DSCAML1: variants seen among roughly 807,000 people sequenced by gnomAD.
DSCAML1 encodes the protein cell adhesion molecule DSCAML1.
A neutral mutation model predicts 200.5 loss-of-function variants in DSCAML1; 38 were observed. The observed-to-expected ratio is 0.19, with a 90% confidence interval of 0.15 to 0.25. The LOEUF (loss-of-function observed/expected upper bound fraction) is 0.25. Ranked by LOEUF, DSCAML1 falls within the 10% of genes least tolerant of loss-of-function variation. The pLI is 1.00. For synonymous variants in DSCAML1, 1,215 were observed against 1,165.0 expected (o/e 1.04, Z -0.87); for missense variants, 2,223 against 2,858.8 (o/e 0.78, Z 5.07).
chr11:117,629,237 T>C (rs781653543), intron 3 of DSCAML1, among the ~76,000 whole-genome samples: 5 of 152,206 alleles, frequency 3.3e-5, no homozygotes, highest in Non-Finnish European at 7.3e-5. Context: ...GATATGTCAC[T>C]GTCTGGAGGC....
Position 117,438,855 on chromosome 11 carries a change from A to G in DSCAML1, c.4243+30T>C, listed in dbSNP as rs767101451. The G allele has an allele frequency of 1.6e-5, 24 of 1,507,396 alleles. No individual in the cohort carries two copies. In the African/African-American group the frequency reaches 3.2e-4, roughly 20 times the overall value. The allele number at this position is 1,507,396 out of a possible 1,614,324, so 93.4% of individuals were successfully genotyped here. A position where few individuals can be genotyped will look rare whatever the true frequency, so the allele number is the denominator to read the frequency against. On this transcript the variant is annotated intron_variant, in intron 24 of 32. Coordinates refer to ENST00000651296, the MANE Select transcript of DSCAML1 (RefSeq NM_020693.4). ...CCCCGGGCCCAGAATTCCTTCCCCT[A>G]TCTTCCCCCGCATCCAGACCCCTCC...
intron 3 of DSCAML1, among the ~76,000 whole-genome samples, chr11:117,612,642 C>A (rs992932159): frequency 6.6e-6 from 1 of 152,188 alleles, no homozygotes; most frequent in African/African-American, 2.4e-5. Context: ...GCTGAGCAGC[C>A]CTCCCCAGCC....
intron 3 of DSCAML1, among the ~76,000 whole-genome samples, chr11:117,773,350 C>T (rs544233237): frequency 1.2e-4 from 19 of 152,266 alleles, no homozygotes. Flanking sequence ...TGAAGCTGAG[C>T]CCAGCCCTGC....
At chr11:117,714,186 C>T (rs2053905606) in intron 3 of DSCAML1, among the ~76,000 whole-genome samples, 2 of 152,212 alleles carry the variant, frequency 1.3e-5, no homozygotes, top group South Asian at 4.2e-4. Context: ...TGTGCTGTTA[C>T]CTGTGTTTAT....
chr11:117,764,414 G>T (rs1354902530), intron 3 of DSCAML1, among the ~76,000 whole-genome samples: 1 of 152,178 alleles, frequency 6.6e-6, no homozygotes, highest in Non-Finnish European at 1.5e-5. Context: ...TTTCTTTGGT[G>T]CGTGGGAAGA....
Position 117,480,839 on chromosome 11 carries a change from C to T in DSCAML1, c.2657-268G>A, listed in dbSNP as rs1434791094. 6.6e-6 allele frequency among the ~76,000 whole-genome samples: 1 copy of T among 152,122 alleles called. No individual in the cohort carries two copies. Among genetic ancestry groups the T allele is most frequent in the African/African-American group, 2.4e-5 (1 of 41,416 alleles). ...ATTCCTGTTAGCTGACGGCATTTTT[C>T]CCCTTCCAACTTCCCCAGCTTGACT... On this transcript the variant is annotated intron_variant, in intron 13 of 32. Transcript: ENST00000651296. The surrounding 1 kb of genome is among the most constrained non-coding windows in gnomAD (Gnocchi z 4.1).
At chr11:117,609,033 AAC>A (rs374129774) in intron 3 of DSCAML1, among the ~76,000 whole-genome samples, 2,209 of 104,130 alleles carry the variant, frequency 0.021, 60 homozygotes, top group African/African-American at 0.067. Flanking sequence ...CAAACAAACA[AAC>A]AAAAAAAACA....
chr11:117,662,149 G>A (rs531238727), intron 3 of DSCAML1, among the ~76,000 whole-genome samples: 18 of 152,370 alleles, frequency 1.2e-4, no homozygotes, highest in African/African-American at 4.1e-4. Flanking sequence ...AAAGGGAAGA[G>A]AGGGTTTGTC....
intron 1 of DSCAML1, among the ~76,000 whole-genome samples, 192 bp downstream of exon 1, chr11:117,796,842 G>A (rs1365064154): frequency 6.6e-6 from 1 of 152,092 alleles, no homozygotes; most frequent in Non-Finnish European, 1.5e-5. Flanking sequence ...GTGGCTGGCG[G>A]AGCGGTCGGG....
chr11:117,571,776 G>C (rs1410242182), intron 3 of DSCAML1, among the ~76,000 whole-genome samples: 1 of 152,200 alleles, frequency 6.6e-6, no homozygotes, highest in Non-Finnish European at 1.5e-5. Flanking sequence ...TGCATTCCCA[G>C]ACGGCTAAGG....
intron 3 of DSCAML1, among the ~76,000 whole-genome samples, chr11:117,717,057 C>T (rs879617381): frequency 5.9e-5 from 9 of 152,154 alleles, no homozygotes; most frequent in South Asian, 2.1e-4. Context: ...TTTGGGAGGG[C>T]GCAGGCCTTT....
At chr11:117,796,530 G>T (rs1156656867) in intron 1 of DSCAML1, among the ~76,000 whole-genome samples, 3 of 152,254 alleles carry the variant, frequency 2.0e-5, no homozygotes, top group Non-Finnish European at 2.9e-5. Context: ...AGCGCCATGC[G>T]GTGCGCCAAC....
At chr11:117,660,587 G>A (rs1357062226) in intron 3 of DSCAML1, among the ~76,000 whole-genome samples, 1 of 152,120 alleles carries the variant, frequency 6.6e-6, no homozygotes, top group Non-Finnish European at 1.5e-5. Flanking sequence ...TAGATCCATG[G>A]AAACTCTGGA....
intron 11 of DSCAML1, among the ~76,000 whole-genome samples, chr11:117,499,246 C>G (rs2049351546): frequency 6.6e-6 from 1 of 152,170 alleles, no homozygotes; most frequent in African/African-American, 2.4e-5. Flanking sequence ...TAAAAGGCAG[C>G]TCTGTGGACG....
At chr11:117,430,092 G>A (rs1271680324) in intron 32 of DSCAML1, among the ~76,000 whole-genome samples, 2 of 152,178 alleles carry the variant, frequency 1.3e-5, no homozygotes, top group Admixed American at 6.5e-5. Context: ...TGCACGCTGT[G>A]ACCCCAGCAT....
chr11:117,573,496 G>A (rs949365231), intron 3 of DSCAML1, among the ~76,000 whole-genome samples: 9 of 152,094 alleles, frequency 5.9e-5, no homozygotes, highest in East Asian at 3.9e-4. Context: ...GTGGTACCTC[G>A]GGTGCTCCGC....
At chr11:117,651,584 C>T (rs1335992175) in intron 3 of DSCAML1, among the ~76,000 whole-genome samples, 4 of 151,346 alleles carry the variant, frequency 2.6e-5, no homozygotes, top group Non-Finnish European at 4.4e-5. Flanking sequence ...TGGTGGCGGG[C>T]ACCTGTAGTC....
intron 3 of DSCAML1, among the ~76,000 whole-genome samples, chr11:117,566,509 A>C (rs974731881): frequency 1.3e-5 from 2 of 151,254 alleles, no homozygotes; most frequent in African/African-American, 4.9e-5. Context: ...CACCATGCCC[A>C]GCTAACTTTT....
At chr11:117,536,168 G>A (rs899496116) in intron 3 of DSCAML1, among the ~76,000 whole-genome samples, 1 of 152,210 alleles carries the variant, frequency 6.6e-6, no homozygotes, top group Admixed American at 6.5e-5. Flanking sequence ...CCCTTGGGGG[G>A]GCTTGTGCAA....
Sources: allele counts gnomAD v4.1 joint callset (sites outside exome capture counted in the v4.1 genomes callset), GRCh38; gene constraint gnomAD v4.1.1; non-coding constraint Gnocchi (gnomAD v3.1); transcripts MANE v1.5; gene names NCBI Gene and HGNC (gene_info 2026-07-23, HGNC 2026-07-21).